Variants in STAG1 observed in about 807,000 individuals in gnomAD.
STAG1 encodes the protein cohesin subunit SA-1.
Under a neutral mutation model 170.9 loss-of-function variants are expected in STAG1, and 26 were observed. That is an observed-to-expected ratio of 0.15 (90% CI 0.11 to 0.21). STAG1 has a LOEUF of 0.21. Ranked by LOEUF, STAG1 falls within the 10% of genes least tolerant of loss-of-function variation. The pLI, the probability that STAG1 is intolerant of heterozygous loss-of-function variation, is 1.00. For missense variants in STAG1, 964 were observed against 1,509.5 expected (o/e 0.64, Z 5.99); for synonymous variants, 514 against 497.7 (o/e 1.03, Z -0.44).
At chr3:136,618,320 C>A (rs1939688502) in intron 3 of STAG1, among the ~76,000 whole-genome samples, 1 of 152,192 alleles carries the variant, frequency 6.6e-6, no homozygotes, top group South Asian at 2.1e-4. Context: ...CAGCAGCAGG[C>A]GCCACATGCG....
At chr3:136,456,129 A>G (rs1331185818) in intron 13 of STAG1, among the ~76,000 whole-genome samples, 1 of 152,216 alleles carries the variant, frequency 6.6e-6, no homozygotes, top group Non-Finnish European at 1.5e-5. Flanking sequence ...GAAATATTAC[A>G]CTACCAAACA....
At chr3:136,374,649 G>A (rs947534263) in intron 23 of STAG1, among the ~76,000 whole-genome samples, 5 of 151,184 alleles carry the variant, frequency 3.3e-5, no homozygotes, top group Non-Finnish European at 5.9e-5. Context: ...TTGTACAGCT[G>A]TTTAATGTGT....
intron 4 of STAG1, 70 bp downstream of exon 4, chr3:136,604,239 C>A: frequency 7.1e-7 from 1 of 1,405,138 alleles, no homozygotes; most frequent in Non-Finnish European, 9.6e-7. Flanking sequence ...TGCCAATATA[C>A]ACACTAACTG....
chr3:136,431,004 A>C (rs544203041), intron 16 of STAG1, among the ~76,000 whole-genome samples: 1 of 152,164 alleles, frequency 6.6e-6, no homozygotes, highest in South Asian at 2.1e-4. Context: ...TCTGGGTTCA[A>C]GCAATTCTCC....
At chr3:136,644,668 A>C (rs1055984751) in intron 1 of STAG1, among the ~76,000 whole-genome samples, 1 of 152,200 alleles carries the variant, frequency 6.6e-6, no homozygotes, top group African/African-American at 2.4e-5. Context: ...CATTTCTTAC[A>C]TCTCAATTCC....
chr3:136,668,238 T>A (rs1199549170), intron 1 of STAG1, among the ~76,000 whole-genome samples: 2 of 148,528 alleles, frequency 1.3e-5, no homozygotes, highest in East Asian at 3.9e-4. Flanking sequence ...GTCTCAAATA[T>A]ATATATATAT....
At chr3:136,679,689 A>C (rs1041293614) in intron 1 of STAG1, among the ~76,000 whole-genome samples, 3 of 148,654 alleles carry the variant, frequency 2.0e-5, no homozygotes, top group Non-Finnish European at 4.4e-5. Flanking sequence ...AGATAGTGCC[A>C]CTGCAGTCTG....
chr3:136,510,674 C>T (rs551049314), intron 7 of STAG1, among the ~76,000 whole-genome samples: 3 of 150,318 alleles, frequency 2.0e-5, no homozygotes, highest in Admixed American at 6.6e-5. Flanking sequence ...TGCAGTGGTG[C>T]GATCTCAGCT....
At position 136,736,590 on chromosome 3, in the gene STAG1, C is replaced by T. The variant is rs1296362203; in HGVS notation, c.-84+15605G>A. The stretch of plus-strand genomic sequence containing the variant: ...TGTATTGGCTTGGAAGTTTCGCCAG[C>T]TGTCCACACAACCATCTCGACTTTC... On this transcript the variant is annotated intron_variant, in intron 1 of 33. Coordinates refer to ENST00000383202, the MANE Select transcript of STAG1 (RefSeq NM_005862.3). 3 of 1,554,378 alleles carry T rather than the reference C, an allele frequency of 1.9e-6. No individual in the cohort carries two copies. In the East Asian group the frequency reaches 6.7e-5, roughly 35 times the overall value.
rs183017653 is a variant in STAG1 at position 136,592,814 on chromosome 3, A to T, written c.297+11495T>A. ...ACAGGCCTAAGAGTAATTTATCCTT[A>T]GTCCTCCTCTCAAAATAGGCAGGGC... is the stretch of plus-strand genomic sequence containing the variant. On this transcript the variant is annotated intron_variant, in intron 4 of 33. Coordinates refer to ENST00000383202, the MANE Select transcript of STAG1 (RefSeq NM_005862.3). Among the ~76,000 whole-genome samples the T allele has an allele frequency of 4.6e-5, 7 of 152,350 alleles. No individual in the cohort carries two copies. The East Asian group carries it at 1.4e-3, about 29-fold the overall frequency.
At chr3:136,676,931 G>C (rs2107882030) in intron 1 of STAG1, among the ~76,000 whole-genome samples, 1 of 152,010 alleles carries the variant, frequency 6.6e-6, no homozygotes, top group South Asian at 2.1e-4. Context: ...ACCTACACAG[G>C]GTCAGGATCA....
chr3:136,369,935 G>C (rs1234611261), intron 23 of STAG1, among the ~76,000 whole-genome samples: 1 of 152,264 alleles, frequency 6.6e-6, no homozygotes, highest in East Asian at 1.9e-4. Flanking sequence ...GATGTTGTTT[G>C]TGGTGATGCT....
At chr3:136,521,782 G>A (rs1039608055) in intron 6 of STAG1, among the ~76,000 whole-genome samples, 2 of 152,136 alleles carry the variant, frequency 1.3e-5, no homozygotes, top group Non-Finnish European at 2.9e-5. Flanking sequence ...GAATTTTGAT[G>A]AAAGCTATCA....
intron 1 of STAG1, among the ~76,000 whole-genome samples, chr3:136,678,074 CTT>C (rs997597601): frequency 6.7e-6 from 1 of 150,128 alleles, no homozygotes; most frequent in African/African-American, 2.4e-5. Flanking sequence ...AGGGCATAAA[CTT>C]TATCATGTAT....
intron 12 of STAG1, 85 bp downstream of exon 12, chr3:136,472,328 A>G (rs1022846970): frequency 3.7e-6 from 3 of 819,612 alleles, no homozygotes; most frequent in East Asian, 2.6e-5. Context: ...ATACATAAGG[A>G]CTATATATAG....
At chr3:136,665,355 C>A (rs550412687) in intron 1 of STAG1, among the ~76,000 whole-genome samples, 1 of 152,234 alleles carries the variant, frequency 6.6e-6, no homozygotes, top group South Asian at 2.1e-4. Context: ...GATTTAGGCC[C>A]TTTATGATTT....
intron 5 of STAG1, among the ~76,000 whole-genome samples, chr3:136,563,761 C>T (rs1033949664): frequency 6.6e-6 from 1 of 152,042 alleles, no homozygotes; most frequent in African/African-American, 2.4e-5. Flanking sequence ...TGGCTCATGC[C>T]TGTAATCCCA....
At chr3:136,470,579 G>A (rs575565859) in intron 12 of STAG1, among the ~76,000 whole-genome samples, 30 of 152,290 alleles carry the variant, frequency 2.0e-4, no homozygotes, top group South Asian at 1.7e-3. Context: ...ACAGTGTGGC[G>A]ATTCCTCAAG....
At chr3:136,657,552 G>A (rs1346760380) in intron 1 of STAG1, among the ~76,000 whole-genome samples, 1 of 152,116 alleles carries the variant, frequency 6.6e-6, no homozygotes, top group Non-Finnish European at 1.5e-5. Context: ...CAGGCAGGGT[G>A]GCCTCACGCC....
Sources: gnomAD v4.1 joint callset for allele counts (sites outside exome capture counted in the v4.1 genomes callset) on GRCh38, gnomAD v4.1.1 for gene constraint, MANE v1.5 for transcripts, NCBI Gene and HGNC (gene_info 2026-07-23, HGNC 2026-07-21) for gene names.